NOL11: variants seen among roughly 807,000 people sequenced by gnomAD.
The protein encoded by NOL11 is nucleolar protein 11.
Under a neutral mutation model 93.0 loss-of-function variants are expected in NOL11, and 42 were observed. The observed-to-expected ratio is 0.45, with a 90% confidence interval of 0.35 to 0.58. NOL11 has a LOEUF of 0.58. NOL11 is among the 20% of genes least tolerant of loss of function. The pLI is 0.00. For missense variants in NOL11, 775 were observed against 841.8 expected, an observed-to-expected ratio of 0.92 and a Z score of 0.98; for synonymous variants, 296 against 293.7, an observed-to-expected ratio of 1.01 and a Z score of -0.08.
At chr17:67,739,106 AT>A in intron 15 of NOL11, 96 bp downstream of exon 15, 1 of 925,572 alleles carries the variant, frequency 1.1e-6, no homozygotes, top group East Asian at 2.4e-5. Context: ...AGGTTATGAA[AT>A]TCTTTCATGT....
chr17:67,733,634 C>A (rs1599043842), intron 7 of NOL11, among the ~76,000 whole-genome samples: 2 of 152,204 alleles, frequency 1.3e-5, no homozygotes, highest in African/African-American at 4.8e-5. Context: ...TTCATAGATG[C>A]CCTTTATCAT....
At chr17:67,725,591 T>C (rs1471630087) in intron 6 of NOL11, among the ~76,000 whole-genome samples, 1 of 152,264 alleles carries the variant, frequency 6.6e-6, no homozygotes, top group East Asian at 1.9e-4. Flanking sequence ...AAAAGGCTCC[T>C]ATCATTTTCA....
At chr17:67,723,926 C>A in intron 5 of NOL11, 123 bp from the exon 6 acceptor site, 1 of 628,306 alleles carries the variant, frequency 1.6e-6, no homozygotes, top group Non-Finnish European at 2.7e-6. Flanking sequence ...AATTTGATAG[C>A]ATAAGATGTT....
Position 67,739,405 on chromosome 17 carries a change from G to A in NOL11, c.1843-111G>A, listed in dbSNP as rs142892305. ...ATTTTTATGTCTCCAGATGTCTGGCGTATTTGTTTGATGTATAAATTGAAC... is the reference window on the plus strand; with the variant it reads ...ATTTTTATGTCTCCAGATGTCTGGCATATTTGTTTGATGTATAAATTGAAC... On this transcript the variant is annotated intron_variant, in intron 15 of 17. Coordinates refer to ENST00000253247, the MANE Select transcript of NOL11 (RefSeq NM_015462.5). The A allele has an allele frequency of 2.4e-3, 1,501 of 624,934 alleles. 22 individuals carry two copies. The East Asian group carries it at 0.033, about 14-fold the overall frequency. 38.7% of individuals were successfully genotyped at this position (624,934 alleles called of 1,614,324 possible). A position where few individuals can be genotyped will look rare whatever the true frequency, so the allele number is the denominator to read the frequency against.
Position 67,743,523 on chromosome 17 carries a change from T to G in NOL11, c.1980T>G (p.Val660=), listed in dbSNP as rs2055274062. The G allele has an allele frequency of 6.2e-7, 1 of 1,602,836 alleles. No individual in the cohort carries two copies. The highest frequency in any genetic ancestry group is 8.5e-7 in the Non-Finnish European group (1 of 1,171,908). Residue 660 remains valine (V), a synonymous_variant, in exon 17 of 18, where the codon GTT becomes GTG. Coordinates refer to ENST00000253247, the MANE Select transcript of NOL11 (RefSeq NM_015462.5). ...ICLLLDANFT[V]VVMMPEAKRL... ...TACTTCTGGATGCAAATTTTACTGT[T>G]GTTGTAATGATGCCAGAAGCAAAGA... is the stretch of plus-strand genomic sequence containing the variant.
chr17:67,726,278 C>CT (rs1386930617), intron 6 of NOL11, among the ~76,000 whole-genome samples, 182 bp from the exon 7 acceptor site: 1 of 152,172 alleles, frequency 6.6e-6, no homozygotes, highest in Non-Finnish European at 1.5e-5. Flanking sequence ...ATTAATAGTA[C>CT]TTCTTTCCCC....
Position 67,724,176 on chromosome 17 carries a change from T to G in NOL11, c.647T>G (p.Ile216Ser). 6.4e-7 allele frequency: 1 copy of G among 1,571,026 alleles called. No homozygotes were observed. Reference protein sequence around the residue: ...SFTASVDRKFISLMSLSSDGC... With the variant: ...SFTASVDRKFSSLMSLSSDGC... Reference sequence around the variant, plus strand: ...ACTGCATCTGTAGATCGGAAATTCATCTCTTTGATGTCATTAAGTAAGTTT... The same window carrying G: ...ACTGCATCTGTAGATCGGAAATTCAGCTCTTTGATGTCATTAAGTAAGTTT... The change falls in exon 6 of 18, where the codon ATC becomes AGC. Residue 216 changes from isoleucine to serine, a missense_variant. Around this residue, in one of 2 missense-constraint regions of NOL11, gnomAD observed 359 missense variants for 316.5 expected, o/e 1.13. Transcript: ENST00000253247.
intron 7 of NOL11, among the ~76,000 whole-genome samples, chr17:67,731,073 G>A (rs1347144816): frequency 6.6e-6 from 1 of 151,998 alleles, no homozygotes; most frequent in Non-Finnish European, 1.5e-5. Flanking sequence ...TGTCTTCTTT[G>A]GAGAATTGTC....
chr17:67,721,718 T>C (rs2043218754), intron 4 of NOL11, among the ~76,000 whole-genome samples, 192 bp downstream of exon 4: 1 of 152,222 alleles, frequency 6.6e-6, no homozygotes, highest in South Asian at 2.1e-4. Context: ...TAGAGTCATA[T>C]GAAGTCTTGA....
Position 67,738,999 on chromosome 17 carries a change from C to G in NOL11, c.1831C>G (p.Gln611Glu), listed in dbSNP as rs2055229968. The change falls in exon 15 of 18, where the codon CAG becomes GAG. Residue 611 changes from glutamine (Q) to glutamate (E), a missense_variant. Gln to Glu is a conservative substitution (Grantham distance 29, BLOSUM62 2). Around this residue, in one of 2 missense-constraint regions of NOL11, gnomAD observed 416 missense variants for 525.2 expected, o/e 0.79. Transcript: ENST00000253247. ...LLPHLKDIPA[Q>E]HITLFLKYLY... ...GCCTCATTTGAAAGACATCCCAGCA[C>G]AGCATATCACGGTAAGTGTTCATAC... is the stretch of plus-strand genomic sequence containing the variant. 6.2e-7 allele frequency: 1 copy of G among 1,607,622 alleles called. No homozygotes were observed. The highest frequency in any genetic ancestry group is 8.5e-7 in the Non-Finnish European group (1 of 1,174,726).
At chr17:67,724,005 G>T in intron 5 of NOL11, 44 bp from the exon 6 acceptor site, 1 of 1,384,292 alleles carries the variant, frequency 7.2e-7, no homozygotes, top group South Asian at 1.4e-5. Context: ...TAAAATACTT[G>T]GTTGAAATGG....
chr17:67,721,323 A>G (rs2043216132), intron 3 of NOL11, 55 bp from the exon 4 acceptor site: 9 of 1,089,034 alleles, frequency 8.3e-6, no homozygotes, highest in Non-Finnish European at 1.2e-5. Context: ...AAATATCCTT[A>G]TATTAGGTAT....
At chr17:67,720,809 T>A (rs562558811) in intron 3 of NOL11, among the ~76,000 whole-genome samples, 116 of 152,212 alleles carry the variant, frequency 7.6e-4, no homozygotes, top group Non-Finnish European at 1.2e-3. Context: ...TGGCTCACAA[T>A]AGGGTTAATT....
At chr17:67,735,341 A>G (rs2055191297) in intron 8 of NOL11, among the ~76,000 whole-genome samples, 1 of 152,120 alleles carries the variant, frequency 6.6e-6, no homozygotes, top group Non-Finnish European at 1.5e-5. Context: ...ATTATACTTT[A>G]TATGTAAAAA....
Position 67,737,908 on chromosome 17 carries a change from T to A in NOL11, c.1465T>A (p.Cys489Ser). Residue 489 changes from cysteine to serine, a missense_variant, in exon 13 of 18, where the codon TGT becomes AGT. Physicochemically the swap from Cys to Ser is moderately radical, Grantham distance 112. Coordinates refer to ENST00000253247, the MANE Select transcript of NOL11 (RefSeq NM_015462.5). Reference sequence around the variant, plus strand: ...GAAAGATGTACAGTTGTTACAACTCTGTCTACAGCAGTTCCCTGACATTCC... The same window carrying A: ...GAAAGATGTACAGTTGTTACAACTCAGTCTACAGCAGTTCCCTGACATTCC... ...KKKDVQLLQL[C>S]LQQFPDIPES... is the part of the protein sequence containing the mutation. 1 of 1,613,732 alleles carries A rather than the reference T, an allele frequency of 6.2e-7. No homozygotes were observed. Among genetic ancestry groups the A allele is most frequent in the Non-Finnish European group, 8.5e-7 (1 of 1,179,906 alleles).
rs764840042 is a variant in NOL11, at chr17:67,738,217, A to G, written c.1625A>G (p.Gln542Arg). 1 of 1,613,326 alleles carries G rather than the reference A, an allele frequency of 6.2e-7. No individual in the cohort carries two copies. Among genetic ancestry groups the G allele is most frequent in the Non-Finnish European group, 8.5e-7 (1 of 1,179,442 alleles). The stretch of plus-strand genomic sequence containing the variant: ...GTACATGATGAGAAAATGGAAGAGC[A>G]AACTGAAATTCTTCAAAATGGCTTC... The part of the protein sequence containing the change: ...NSVHDEKMEE[Q>R]TEILQNGFNP... The change falls in exon 14 of 18, where the codon CAA (glutamine) becomes CGA (arginine). Residue 542 changes from glutamine to arginine, a missense_variant. Transcript: ENST00000253247.
At chr17:67,731,334 G>A (rs1407428466) in intron 7 of NOL11, among the ~76,000 whole-genome samples, 1 of 3,338 alleles carries the variant, frequency 3.0e-4, no homozygotes, top group African/African-American at 7.1e-4. Flanking sequence ...CGCGATCTCC[G>A]CTCACTGCAA....
intron 11 of NOL11, 45 bp from the exon 12 acceptor site, chr17:67,737,463 A>G (rs368410111): frequency 6.8e-7 from 1 of 1,476,252 alleles, no homozygotes; most frequent in African/African-American, 1.4e-5. Flanking sequence ...TCAGAGTGAC[A>G]TTCGTTAATG....
chr17:67,723,370 A>ATT (rs568396700), intron 5 of NOL11, among the ~76,000 whole-genome samples: 24 of 60,772 alleles, frequency 3.9e-4, no homozygotes, highest in African/African-American at 1.2e-3. Context: ...AAGATCTCTA[A>ATT]TTTTTTTTTT....
Sources: gnomAD v4.1 joint callset for allele counts (sites outside exome capture counted in the v4.1 genomes callset) on GRCh38, gnomAD v4.1.1 for gene constraint, gnomAD v4.1.1 regional missense constraint, MANE v1.5 for transcripts, NCBI Gene and HGNC (gene_info 2026-07-23, HGNC 2026-07-21) for gene names.